The following SGPP1 variants were observed in gnomAD, a reference collection of about 807,000 sequenced individuals.
SGPP1 encodes the protein sphingosine-1-phosphate phosphatase 1, also known as hSPP1.
SGPP1 carries 21 observed loss-of-function variants against 33.0 expected under a neutral mutation model. That is an observed-to-expected ratio of 0.64 (90% confidence interval 0.45 to 0.92). The LOEUF (loss-of-function observed/expected upper bound fraction) is 0.92, where lower values mean the gene tolerates loss of function less well. Among genes scored for constraint, SGPP1 ranks in the 40% least tolerant of loss-of-function variants. The probability of loss-of-function intolerance (pLI) is 0.00; values close to 1 mark genes in which losing one functional copy is unlikely to be tolerated. For synonymous variants in SGPP1, 239 were observed against 241.2 expected (o/e 0.99, Z 0.08); for missense variants, 543 against 589.4 (o/e 0.92, Z 0.81).
intron 1 of SGPP1, among the ~76,000 whole-genome samples, chr14:63,722,750 G>C (rs1437246349): frequency 6.6e-6 from 1 of 151,424 alleles, no homozygotes; most frequent in Non-Finnish European, 1.5e-5. Flanking sequence ...AGGATCACTT[G>C]AGCTCAGGAG....
intron 2 of SGPP1, among the ~76,000 whole-genome samples, chr14:63,698,099 G>C (rs1355867402): frequency 6.6e-6 from 1 of 152,202 alleles, no homozygotes; most frequent in African/African-American, 2.4e-5. Context: ...AATGTCCACT[G>C]TGAGTCCTAA....
At chr14:63,710,258 A>AATATAT (rs1885495827) in intron 1 of SGPP1, among the ~76,000 whole-genome samples, 5 of 152,196 alleles carry the variant, frequency 3.3e-5, no homozygotes, top group African/African-American at 1.2e-4. Flanking sequence ...TTGACCCAGC[A>AATATAT]ATGCTAGAAT....
At chr14:63,717,863 AAGT>A (rs1274984018) in intron 1 of SGPP1, among the ~76,000 whole-genome samples, 7 of 152,182 alleles carry the variant, frequency 4.6e-5, no homozygotes, top group Non-Finnish European at 8.8e-5. Flanking sequence ...AATACATATT[AAGT>A]ACTGGGGATC....
rs141340040 is a variant in SGPP1 at position 63,724,991 on chromosome 14, GA to G, written c.684+2269del. On this transcript the variant is annotated intron_variant, in intron 1 of 2. Coordinates refer to ENST00000247225, the MANE Select transcript of SGPP1 (RefSeq NM_030791.4). Reference sequence around the variant, plus strand: ...ATATAGTGAGACCCCGACTCTTAGGGAAAAAAAAAAGGAAAAAGGTTAAAAA... The same window carrying G: ...ATATAGTGAGACCCCGACTCTTAGGGAAAAAAAAAGGAAAAAGGTTAAAAA... Among the ~76,000 whole-genome samples, 112 of 146,806 alleles carry G rather than the reference GA, an allele frequency of 7.6e-4. 4 individuals carry two copies. The South Asian group carries it at 0.022, about 29-fold the overall frequency.
chr14:63,720,913 A>G (rs1372097666), intron 1 of SGPP1, among the ~76,000 whole-genome samples: 1 of 152,136 alleles, frequency 6.6e-6, no homozygotes, highest in African/African-American at 2.4e-5. Context: ...TCTTCTTTTC[A>G]TGTTTCTTTT....
intron 2 of SGPP1, among the ~76,000 whole-genome samples, chr14:63,698,312 A>G (rs999318682): frequency 5.9e-5 from 9 of 152,158 alleles, no homozygotes; most frequent in Non-Finnish European, 1.2e-4. Context: ...TAAAAGGGAG[A>G]CTGGAAGGAG....
chr14:63,705,221 T>C (rs1885384222), intron 1 of SGPP1, among the ~76,000 whole-genome samples: 1 of 148,290 alleles, frequency 6.7e-6, no homozygotes, highest in Admixed American at 6.9e-5. Context: ...GGAGAAAGTA[T>C]TTGCAAATGA....
intron 1 of SGPP1, among the ~76,000 whole-genome samples, chr14:63,715,684 G>C (rs923366427): frequency 6.6e-6 from 1 of 152,120 alleles, no homozygotes; most frequent in African/African-American, 2.4e-5. Flanking sequence ...AGCCAAAGAG[G>C]CTGTAATTTG....
rs559351295 is a variant in SGPP1, at chr14:63,695,122, T to A, written c.774+3447A>T. 7.2e-3 allele frequency among the ~76,000 whole-genome samples: 1,100 copies of A among 152,296 alleles called. 9 individuals carry two copies. The highest frequency in any genetic ancestry group is 0.012 in the Non-Finnish European group (809 of 68,022). Reference sequence around the variant, plus strand: ...CCCAGGCTGGAGTGCAGTGGCGCGATCTCTGCTCACTGCAAGCTCCGCCTC... The same window carrying A: ...CCCAGGCTGGAGTGCAGTGGCGCGAACTCTGCTCACTGCAAGCTCCGCCTC... On this transcript the variant is annotated intron_variant, in intron 2 of 2. Coordinates refer to ENST00000247225, the MANE Select transcript of SGPP1 (RefSeq NM_030791.4).
At chr14:63,718,372 T>C (rs1025739558) in intron 1 of SGPP1, among the ~76,000 whole-genome samples, 5 of 152,142 alleles carry the variant, frequency 3.3e-5, no homozygotes, top group African/African-American at 1.2e-4. Flanking sequence ...ATTCAATATA[T>C]TTTTCAAATA....
intron 1 of SGPP1, among the ~76,000 whole-genome samples, chr14:63,700,803 G>A (rs1032364166): frequency 1.3e-5 from 2 of 151,978 alleles, no homozygotes; most frequent in African/African-American, 4.8e-5. Context: ...AGTGAGCTGG[G>A]GAAAAAAGTG....
intron 1 of SGPP1, among the ~76,000 whole-genome samples, chr14:63,711,515 A>G (rs559583678): frequency 2.0e-5 from 3 of 152,344 alleles, no homozygotes; most frequent in African/African-American, 7.2e-5. Context: ...CTGAAGACCC[A>G]GGGAAGAGTT....
At chr14:63,722,914 G>A (rs1885803210) in intron 1 of SGPP1, among the ~76,000 whole-genome samples, 1 of 151,056 alleles carries the variant, frequency 6.6e-6, no homozygotes, top group Non-Finnish European at 1.5e-5. Context: ...CGAGGCTGCA[G>A]TGAGCCGGAA....
Position 63,727,672 on chromosome 14 carries a change from G to T in SGPP1, c.273C>A (p.Asn91Lys). The T allele has an allele frequency of 7.5e-7, 1 of 1,336,992 alleles. No homozygotes were observed. The highest frequency in any genetic ancestry group is 9.5e-7 in the Non-Finnish European group (1 of 1,051,580). The allele number at this position is 1,336,992 out of a possible 1,614,324, so 82.8% of individuals were successfully genotyped here. ...DGGGAPNGVR[N>K]GLAAELGPAS... ...CCGGGCCCAGCTCGGCCGCCAGCCC[G>T]TTCCGCACGCCGTTGGGGGCGCCGC... The change falls in exon 1 of 3, where the codon AAC becomes AAA. Residue 91 changes from asparagine to lysine, a missense_variant. Coordinates refer to ENST00000247225, the MANE Select transcript of SGPP1 (RefSeq NM_030791.4).
chr14:63,701,679 A>G (rs760843864), intron 1 of SGPP1, among the ~76,000 whole-genome samples: 1 of 152,108 alleles, frequency 6.6e-6, no homozygotes, highest in Non-Finnish European at 1.5e-5. Flanking sequence ...CTGGGAGGCC[A>G]CCATAAGAAA....
intron 1 of SGPP1, among the ~76,000 whole-genome samples, chr14:63,707,360 G>C (rs997270283): frequency 1.3e-5 from 2 of 152,050 alleles, no homozygotes; most frequent in African/African-American, 2.4e-5. Context: ...ATTAAGGAAA[G>C]AATCTGTGAA....
In SGPP1 at chr14:63,684,743, C is replaced by T. The variant is rs187069469; in HGVS notation, c.*1362G>A. 7.2e-5 allele frequency: 11 copies of T among 152,244 alleles called. No individual in the cohort carries two copies. Among genetic ancestry groups the T allele is most frequent in the Middle Eastern group, 3.4e-3 (1 of 294 alleles). The allele number at this position is 152,244 out of a possible 1,614,324, so 9.4% of individuals were successfully genotyped here. A position where few individuals can be genotyped will look rare whatever the true frequency, so the allele number is the denominator to read the frequency against. On this transcript the variant is annotated 3_prime_UTR_variant, in exon 3 of 3. Transcript: ENST00000247225. Reference sequence around the variant, plus strand: ...TTTCTACAAATACACTTACTATTAACGTAAGTACAACCACACTTCAAAATA... The same window carrying T: ...TTTCTACAAATACACTTACTATTAATGTAAGTACAACCACACTTCAAAATA...
Position 63,720,739 on chromosome 14 carries a change from T to C in SGPP1, c.684+6522A>G, listed in dbSNP as rs543129051. Among the ~76,000 whole-genome samples the C allele has an allele frequency of 8.5e-5, 13 of 152,226 alleles. 1 individual carries two copies. The highest frequency in any genetic ancestry group is 3.1e-4 in the African/African-American group (13 of 41,538). On this transcript the variant is annotated intron_variant, in intron 1 of 2. Coordinates refer to ENST00000247225, the MANE Select transcript of SGPP1 (RefSeq NM_030791.4). ...CGCACCATTGCACTGCACTCCAGCC[T>C]GGGCAACAAGAGCAAAACTCCGTCT...
At chr14:63,697,751 GA>G (rs1288309102) in intron 2 of SGPP1, among the ~76,000 whole-genome samples, 4 of 152,212 alleles carry the variant, frequency 2.6e-5, no homozygotes, top group African/African-American at 9.6e-5. Flanking sequence ...TTAAGGTAAA[GA>G]AAGTGAAAGG....
Sources: allele counts gnomAD v4.1 joint callset (sites outside exome capture counted in the v4.1 genomes callset), GRCh38; gene constraint gnomAD v4.1.1; transcripts MANE v1.5; gene names NCBI Gene and HGNC (gene_info 2026-07-23, HGNC 2026-07-21).